Variants in PICALM observed in about 807,000 individuals in gnomAD.
PICALM encodes phosphatidylinositol binding clathrin assembly protein.
In PICALM, 40 loss-of-function variants were observed where a neutral mutation model predicts 80.5. That is an observed-to-expected ratio of 0.50 (90% CI 0.39 to 0.65). The LOEUF (loss-of-function observed/expected upper bound fraction) is 0.65, where lower values mean the gene tolerates loss of function less well. Among genes scored for constraint, PICALM ranks in the 30% least tolerant of loss-of-function variants. The pLI is 0.00. For synonymous variants in PICALM, 288 were observed against 260.3 expected (o/e 1.11, Z -1.02); for missense variants, 676 against 778.9 (o/e 0.87, Z 1.57).
rs560065389 is a variant in PICALM, at chr11:85,958,160, G to A, written c.*886C>T. The A allele has an allele frequency of 7.1e-5, 16 of 225,288 alleles. No homozygotes were observed. The highest frequency in any genetic ancestry group is 1.3e-3 in the Middle Eastern group (1 of 744). 14.0% of individuals were successfully genotyped at this position (225,288 alleles called of 1,614,324 possible). A position where few individuals can be genotyped will look rare whatever the true frequency, so the allele number is the denominator to read the frequency against. On this transcript the variant is annotated 3_prime_UTR_variant, in exon 20 of 20. Coordinates refer to ENST00000393346, the MANE Select transcript of PICALM (RefSeq NM_007166.4). ...ATAATGACATGCCAAGCACAAAGCA[G>A]TAAAGATCCTTCCCAATGCACTAAT...
At chr11:86,055,149 G>C (rs1271494007) in intron 1 of PICALM, among the ~76,000 whole-genome samples, 2 of 151,898 alleles carry the variant, frequency 1.3e-5, no homozygotes, top group Non-Finnish European at 2.9e-5. Context: ...TGGACAACAT[G>C]GTGAAACCCC....
intron 1 of PICALM, among the ~76,000 whole-genome samples, chr11:86,058,239 C>T (rs1486813416): frequency 6.6e-6 from 1 of 152,096 alleles, no homozygotes; most frequent in African/African-American, 2.4e-5. Flanking sequence ...TTTAAGTGCA[C>T]ACACACACCC....
chr11:86,003,525 TAGAG>T lies in PICALM; in HGVS notation c.808-78_808-75del, dbSNP rs2095202074. ...CAAATTAAATCAAGTATCATCTAAT[TAGAG>T]AGCAACAAAAATAAACAGGTATGTT... On this transcript the variant is annotated intron_variant, in intron 8 of 19. Coordinates refer to ENST00000393346, the MANE Select transcript of PICALM (RefSeq NM_007166.4). 3 of 874,770 alleles carry T rather than the reference TAGAG, an allele frequency of 3.4e-6. No individual in the cohort carries two copies. The Admixed American group carries it at 7.0e-5, about 20-fold the overall frequency. 54.2% of individuals were successfully genotyped at this position (874,770 alleles called of 1,614,324 possible).
At position 86,068,928 on chromosome 11, in the gene PICALM, G is replaced by T; in HGVS notation, c.-148C>A. 9.3e-7 allele frequency: 1 copy of T among 1,075,198 alleles called. No individual in the cohort carries two copies. Among genetic ancestry groups the T allele is most frequent in the South Asian group, 1.7e-5 (1 of 60,272 alleles). 66.6% of individuals were successfully genotyped at this position (1,075,198 alleles called of 1,614,324 possible). Reference sequence around the variant, plus strand: ...GGCCTGGGGCGCGGTTCGGGGCCGCGCGCTGCCACCAGTCCAGAGAGAACC... The same window carrying T: ...GGCCTGGGGCGCGGTTCGGGGCCGCTCGCTGCCACCAGTCCAGAGAGAACC... On this transcript the variant is annotated 5_prime_UTR_variant, in exon 1 of 20. Coordinates refer to ENST00000393346, the MANE Select transcript of PICALM (RefSeq NM_007166.4).
intron 19 of PICALM, among the ~76,000 whole-genome samples, chr11:85,964,344 T>C (rs568815578): frequency 1.7e-4 from 26 of 152,340 alleles, no homozygotes; most frequent in African/African-American, 3.1e-4. Flanking sequence ...TTCTGTCTCA[T>C]TGGCAAAATC....
chr11:86,028,656 G>A (rs1337362912), intron 2 of PICALM, among the ~76,000 whole-genome samples: 1 of 152,036 alleles, frequency 6.6e-6, no homozygotes, highest in Non-Finnish European at 1.5e-5. Context: ...CAGTTGGTAA[G>A]TGAACAACAG....
At chr11:86,061,160 C>T (rs559198750) in intron 1 of PICALM, among the ~76,000 whole-genome samples, 43 of 151,928 alleles carry the variant, frequency 2.8e-4, no homozygotes, top group South Asian at 6.3e-4. Context: ...CAAACGCCAT[C>T]TCTACTAAAA....
At chr11:85,960,464 TTAAA>T (rs1228276419) in intron 19 of PICALM, among the ~76,000 whole-genome samples, 1 of 152,224 alleles carries the variant, frequency 6.6e-6, no homozygotes, top group East Asian at 1.9e-4. Flanking sequence ...TGAGATTACT[TTAAA>T]TAATTATGTT....
chr11:85,987,615 G>T (rs1294375634), intron 13 of PICALM, among the ~76,000 whole-genome samples: 4 of 152,132 alleles, frequency 2.6e-5, no homozygotes, highest in African/African-American at 9.7e-5. Flanking sequence ...TTATGATGTG[G>T]TCCACATATA....
At chr11:85,997,250 T>C (rs981172517) in intron 11 of PICALM, among the ~76,000 whole-genome samples, 4 of 152,188 alleles carry the variant, frequency 2.6e-5, no homozygotes, top group Non-Finnish European at 5.9e-5. Context: ...AAATACAAAA[T>C]ATCACAGCAA....
At chr11:86,001,381 G>T (rs917267779) in intron 9 of PICALM, among the ~76,000 whole-genome samples, 3 of 152,186 alleles carry the variant, frequency 2.0e-5, no homozygotes, top group Non-Finnish European at 4.4e-5. Flanking sequence ...TGCTTTCAGA[G>T]TAAGTGTTTG....
At chr11:86,061,330 CAAAAAAAAAAAAA>C (rs58836221) in intron 1 of PICALM, among the ~76,000 whole-genome samples, 9 of 81,176 alleles carry the variant, frequency 1.1e-4, no homozygotes, top group Admixed American at 2.9e-4. Context: ...GACTCCATCT[CAAAAAAAAAAAAA>C]AAAAAAAAAA....
intron 1 of PICALM, among the ~76,000 whole-genome samples, chr11:86,044,877 C>T (rs945504493): frequency 5.3e-5 from 8 of 152,174 alleles, no homozygotes; most frequent in African/African-American, 9.7e-5. Flanking sequence ...AGTTTCATCC[C>T]GAAACCATCC....
At chr11:85,964,252 C>A (rs1223131176) in intron 19 of PICALM, among the ~76,000 whole-genome samples, 1 of 152,142 alleles carries the variant, frequency 6.6e-6, no homozygotes, top group African/African-American at 2.4e-5. Flanking sequence ...CCTTAGAGAA[C>A]CAATTTTGCC....
chr11:85,963,742 T>G (rs1205895734), intron 19 of PICALM, among the ~76,000 whole-genome samples: 1 of 147,856 alleles, frequency 6.8e-6, no homozygotes, highest in East Asian at 1.9e-4. Context: ...ATGATTTTTT[T>G]GGTTATAGAG....
Position 86,022,446 on chromosome 11 carries a change from T to G in PICALM, c.373A>C (p.Arg125=). The change falls in exon 4 of 20, where the codon AGG becomes CGG. Residue 125 remains arginine (R), a synonymous_variant. Transcript: ENST00000393346. ...LQGYDMSTFI[R]RYSRYLNEKA... The stretch of plus-strand genomic sequence containing the variant: ...TCATTTAAATATCTACTATACCGCC[T>G]AATAAATGTAGACATGTCATATCCT... The G allele has an allele frequency of 6.4e-7, 1 of 1,566,072 alleles. No homozygotes were observed. The highest frequency in any genetic ancestry group is 2.3e-5 in the East Asian group (1 of 43,840).
At position 86,005,521 on chromosome 11, in the gene PICALM, T is replaced by C. The variant is rs77464132; in HGVS notation, c.807+2021A>G. Among the ~76,000 whole-genome samples the C allele has an allele frequency of 1.3e-3, 193 of 152,190 alleles. 1 individual carries two copies. In the East Asian group the frequency reaches 0.032, roughly 26 times the overall value. On this transcript the variant is annotated intron_variant, in intron 8 of 19. Transcript: ENST00000393346. The stretch of plus-strand genomic sequence containing the variant: ...TTGTTTGAGACCAGCCTGCGGAATA[T>C]AGGGAGACCCTGTCTCCACAAAAAA...
At position 86,012,351 on chromosome 11, in the gene PICALM, G is replaced by C. The variant is rs568742832; in HGVS notation, c.588C>G (p.Ala196=). Residue 196 remains alanine (A), a synonymous_variant, in exon 6 of 20, where the codon GCC becomes GCG. Transcript: ENST00000393346. ...TGGCATCTTTGAACAGGAGCATGAA[G>C]GCAGCATTTATTACCCCATTTGTAA... ...NELTNGVINA[A]FMLLFKDAIR... 2 of 1,610,782 alleles carry C rather than the reference G, an allele frequency of 1.2e-6. No individual in the cohort carries two copies. Among genetic ancestry groups the C allele is most frequent in the African/African-American group, 2.7e-5 (2 of 74,938 alleles).
intron 8 of PICALM, among the ~76,000 whole-genome samples, chr11:86,004,064 A>C (rs561511860): frequency 2.6e-4 from 39 of 152,330 alleles, no homozygotes; most frequent in African/African-American, 8.7e-4. Context: ...CACCTACCTT[A>C]ATGACCCAAT....
Sources: allele counts gnomAD v4.1 joint callset (sites outside exome capture counted in the v4.1 genomes callset), GRCh38; gene constraint gnomAD v4.1.1; transcripts MANE v1.5; gene names NCBI Gene and HGNC (gene_info 2026-07-23, HGNC 2026-07-21).